GRXCR2: variants seen among roughly 807,000 people sequenced by gnomAD.
GRXCR2 encodes the protein glutaredoxin and cysteine rich domain containing 2, also known as glutaredoxin domain-containing cysteine-rich protein 2.
GRXCR2 carries 23 observed loss-of-function variants against 24.8 expected under a neutral mutation model. That is an observed-to-expected ratio of 0.93 (90% CI 0.67 to 1.32). The LOEUF is 1.32. Among genes scored for constraint, GRXCR2 ranks in the 40% most tolerant of loss-of-function variants. The probability of loss-of-function intolerance (pLI) is 0.00; values close to 1 mark genes in which losing one functional copy is unlikely to be tolerated. For missense variants in GRXCR2, 315 were observed against 303.4 expected, an observed-to-expected ratio of 1.04 and a Z score of -0.28; for synonymous variants, 130 against 116.1, an observed-to-expected ratio of 1.12 and a Z score of -0.77.
At chr5:145,883,825 C>G (rs368700102) in intron 2 of GRXCR2, among the ~76,000 whole-genome samples, 1 of 152,170 alleles carries the variant, frequency 6.6e-6, no homozygotes, top group East Asian at 1.9e-4. Context: ...GAGGTCACAG[C>G]TGTAGTCAGC....
chr5:145,903,879 T>A lies in GRXCR2; in HGVS notation c.-70+31822A>T, dbSNP rs375435894. The stretch of plus-strand genomic sequence containing the variant: ...TGAGGAAACAAAATGTTCTGGGAAA[T>A]TTCACAAAAATTGCTTTTGAATTAT... On this transcript the variant is annotated intron_variant, in intron 2 of 3. Transcript: ENST00000639411. Among the ~76,000 whole-genome samples the A allele has an allele frequency of 5.8e-4, 89 of 152,240 alleles. 3 individuals carry two copies. The South Asian group carries it at 0.017, about 29-fold the overall frequency.
chr5:145,879,944 C>G (rs1314276860), intron 2 of GRXCR2, among the ~76,000 whole-genome samples: 1 of 152,180 alleles, frequency 6.6e-6, no homozygotes, highest in African/African-American at 2.4e-5. Context: ...TGAACAACTA[C>G]TGGGTAAATA....
intron 2 of GRXCR2, among the ~76,000 whole-genome samples, chr5:145,881,743 G>A (rs1756704093): frequency 6.6e-6 from 1 of 152,098 alleles, no homozygotes; most frequent in African/African-American, 2.4e-5. Context: ...CAAAACTGGA[G>A]GCATCATGCT....
intron 2 of GRXCR2, among the ~76,000 whole-genome samples, chr5:145,861,202 T>C (rs1236520583): frequency 1.3e-5 from 2 of 152,186 alleles, no homozygotes. Context: ...GCCTCTGGTC[T>C]TGTGGTATGT....
chr5:145,879,221 A>G (rs1471700405), intron 2 of GRXCR2, among the ~76,000 whole-genome samples: 1 of 152,218 alleles, frequency 6.6e-6, no homozygotes, highest in Admixed American at 6.5e-5. Context: ...AATAGGCTAA[A>G]TGCTCAAATT....
At chr5:145,878,177 A>T (rs1756647127) in intron 2 of GRXCR2, among the ~76,000 whole-genome samples, 1 of 152,254 alleles carries the variant, frequency 6.6e-6, no homozygotes, top group Non-Finnish European at 1.5e-5. Context: ...AACGGATCAA[A>T]GCTGGATGGA....
chr5:145,885,504 GGGGCTCT>G (rs1481130272), intron 2 of GRXCR2, among the ~76,000 whole-genome samples: 3 of 152,172 alleles, frequency 2.0e-5, no homozygotes, highest in African/African-American at 7.2e-5. Context: ...GTAGGATCAA[GGGGCTCT>G]GCTTAGAAAG....
At chr5:145,922,954 C>T (rs1194521597) in intron 2 of GRXCR2, among the ~76,000 whole-genome samples, 1 of 152,228 alleles carries the variant, frequency 6.6e-6, no homozygotes, top group African/African-American at 2.4e-5. Context: ...GCAAGCATTG[C>T]AGGTCCTTCA....
intron 1 of GRXCR2, among the ~76,000 whole-genome samples, chr5:145,869,774 G>A (rs1756499113): frequency 6.6e-6 from 1 of 152,136 alleles, no homozygotes; most frequent in South Asian, 2.1e-4. Context: ...AGCCAGGATG[G>A]TCTCCATCTC....
intron 2 of GRXCR2, among the ~76,000 whole-genome samples, chr5:145,888,413 T>A (rs1295097123): frequency 6.6e-6 from 1 of 152,064 alleles, no homozygotes; most frequent in African/African-American, 2.4e-5. Context: ...GAAGTAGGGA[T>A]CGGGCCAAGT....
chr5:145,865,539 C>T (rs1756414917), intron 2 of GRXCR2, among the ~76,000 whole-genome samples: 1 of 152,160 alleles, frequency 6.6e-6, no homozygotes, highest in Non-Finnish European at 1.5e-5. Flanking sequence ...TTTTAATAAA[C>T]TTGTGGACAC....
chr5:145,928,913 AG>A (rs1757441694), intron 2 of GRXCR2, among the ~76,000 whole-genome samples: 1 of 151,064 alleles, frequency 6.6e-6, no homozygotes, highest in Non-Finnish European at 1.5e-5. Context: ...ATAAAAAAAA[AG>A]TATTACACTA....
chr5:145,878,170 G>A (rs553308755), intron 2 of GRXCR2, among the ~76,000 whole-genome samples: 6 of 152,288 alleles, frequency 3.9e-5, no homozygotes, highest in East Asian at 1.9e-4. Flanking sequence ...CACCAGCAAC[G>A]GATCAAAGCT....
intron 2 of GRXCR2, among the ~76,000 whole-genome samples, chr5:145,918,938 G>A (rs1757280650): frequency 6.6e-6 from 1 of 152,302 alleles, no homozygotes; most frequent in African/African-American, 2.4e-5. Context: ...AGTGCTGTGT[G>A]TGAGCCCCTC....
At chr5:145,927,410 A>C (rs4329069) in intron 2 of GRXCR2, among the ~76,000 whole-genome samples, 28,486 of 152,056 alleles carry the variant, frequency 0.19, 2,877 homozygotes, top group Non-Finnish European at 0.23. Context: ...CCCATCAATA[A>C]CTAATTTATT....
chr5:145,896,513 C>G (rs989799033), intron 2 of GRXCR2, among the ~76,000 whole-genome samples: 2 of 152,048 alleles, frequency 1.3e-5, no homozygotes, highest in Non-Finnish European at 2.9e-5. Flanking sequence ...ATTCATGCAG[C>G]CAAAAGGCAC....
intron 2 of GRXCR2, among the ~76,000 whole-genome samples, chr5:145,862,559 G>A (rs145283200): frequency 2.0e-5 from 3 of 152,206 alleles, no homozygotes; most frequent in Admixed American, 1.3e-4. Flanking sequence ...GTAGGATATA[G>A]AACATAGTTG....
intron 2 of GRXCR2, among the ~76,000 whole-genome samples, chr5:145,895,620 T>G (rs920882475): frequency 3.4e-4 from 52 of 152,066 alleles, no homozygotes; most frequent in Admixed American, 1.6e-3. Flanking sequence ...CACTGCTCAA[T>G]GAAATAAAAG....
At chr5:145,868,998 G>A (rs1756479612) in intron 1 of GRXCR2, among the ~76,000 whole-genome samples, 1 of 152,196 alleles carries the variant, frequency 6.6e-6, no homozygotes, top group Admixed American at 6.5e-5. Flanking sequence ...CCTTACTAGT[G>A]CACAGAATGG....
Sources: gnomAD v4.1 joint callset for allele counts (sites outside exome capture counted in the v4.1 genomes callset) on GRCh38, gnomAD v4.1.1 for gene constraint, MANE v1.5 for transcripts, NCBI Gene and HGNC (gene_info 2026-07-23, HGNC 2026-07-21) for gene names.